PCM1: variants seen among roughly 807,000 people sequenced by gnomAD.
The protein encoded by PCM1 is pericentriolar material 1 protein.
Under a neutral mutation model 241.9 loss-of-function variants are expected in PCM1, and 157 were observed. That is an observed-to-expected ratio of 0.65 (90% CI 0.57 to 0.74). PCM1 has a LOEUF of 0.74. PCM1 is among the 30% of genes least tolerant of loss of function. The probability of loss-of-function intolerance (pLI) is 0.00; values close to 1 mark genes in which losing one functional copy is unlikely to be tolerated. For missense variants in PCM1, 3,478 were observed against 2,360.1 expected (o/e 1.47, Z -9.81); for synonymous variants, 1,085 against 784.9 (o/e 1.38, Z -6.39).
At chr8:18,011,541 C>T (rs1050346973) in intron 33 of PCM1, 126 bp from the exon 34 acceptor site, 1 of 1,087,816 alleles carries the variant, frequency 9.2e-7, no homozygotes, top group Admixed American at 3.1e-5. Context: ...GTTTTTAATA[C>T]ATTCTGTTTG....
In PCM1 at chr8:17,930,328, C is replaced by T. The variant is rs181828043; in HGVS notation, c.-22-5261C>T. ...CCGTGTTAGCCAGGATGGTCTCGAT[C>T]TCCTGACCTCGTGATCCGCCTGCCT... On this transcript the variant is annotated intron_variant, in intron 2 of 38. Coordinates refer to ENST00000325083, the MANE Select transcript of PCM1 (RefSeq NM_006197.4). Among the ~76,000 whole-genome samples the T allele has an allele frequency of 1.6e-3, 250 of 151,840 alleles. 4 individuals are homozygous for T. In the East Asian group the frequency reaches 0.045, roughly 27 times the overall value.
chr8:18,022,417 A>G (rs777280916), intron 36 of PCM1, among the ~76,000 whole-genome samples: 3 of 152,182 alleles, frequency 2.0e-5, no homozygotes, highest in Non-Finnish European at 2.9e-5. Context: ...CACTCAACCA[A>G]AGCAATTGCT....
At chr8:17,984,312 C>G (rs2081907369) in intron 24 of PCM1, among the ~76,000 whole-genome samples, 1 of 151,562 alleles carries the variant, frequency 6.6e-6, no homozygotes, top group African/African-American at 2.4e-5. Flanking sequence ...TTCTTTTTAC[C>G]TGGATTTTTC....
At chr8:18,018,854 A>G (rs1239243341) in intron 36 of PCM1, among the ~76,000 whole-genome samples, 2,432 of 28,184 alleles carry the variant, frequency 0.086, 89 homozygotes, top group African/African-American at 0.2. Context: ...GTGTGTGTGT[A>G]TATATATATA....
At chr8:18,009,452 A>G in intron 30 of PCM1, 95 bp from the exon 31 acceptor site, 1 of 753,278 alleles carries the variant, frequency 1.3e-6, no homozygotes, top group South Asian at 1.8e-5. Context: ...AGTAATCATA[A>G]ACATTAGTTT....
In PCM1 at chr8:17,966,340, C is replaced by T; in HGVS notation, c.3088C>T (p.Leu1030=). The part of the protein sequence containing the change: ...LMQDQQTLSC[L]LQTLLTGPYS... Reference sequence around the variant, plus strand: ...TTTCTTTCAATAGACTCTATCTTGTCTGCTACAAACTCTTCTCACGGGTCC... The same window carrying T: ...TTTCTTTCAATAGACTCTATCTTGTTTGCTACAAACTCTTCTCACGGGTCC... The change falls in exon 20 of 39, where the codon CTG becomes TTG. Residue 1030 remains leucine, a synonymous_variant. Coordinates refer to ENST00000325083, the MANE Select transcript of PCM1 (RefSeq NM_006197.4). 1 of 1,613,732 alleles carries T rather than the reference C, an allele frequency of 6.2e-7. No homozygotes were observed. Among genetic ancestry groups the T allele is most frequent in the Non-Finnish European group, 8.5e-7 (1 of 1,179,744 alleles).
At chr8:18,025,336 A>ATTT in intron 36 of PCM1, 25 bp from the exon 37 acceptor site, 2 of 961,178 alleles carry the variant, frequency 2.1e-6, no homozygotes, top group African/African-American at 1.7e-5. Flanking sequence ...TAGAGTATGT[A>ATTT]TTTTTTTTTT....
chr8:18,010,060 G>A (rs1365097492), intron 31 of PCM1, among the ~76,000 whole-genome samples: 1 of 152,174 alleles, frequency 6.6e-6, no homozygotes, highest in Non-Finnish European at 1.5e-5. Flanking sequence ...GCCAGTGCCA[G>A]GTGCCTGCCA....
At chr8:17,924,009 T>A (rs987712700) in intron 1 of PCM1, among the ~76,000 whole-genome samples, 1 of 149,408 alleles carries the variant, frequency 6.7e-6, no homozygotes, top group African/African-American at 2.6e-5. Flanking sequence ...TTTGTTTTGT[T>A]TTTTTGAGCG....
chr8:17,939,576 C>G lies in PCM1; in HGVS notation c.613-115C>G, dbSNP rs759571778. On this transcript the variant is annotated intron_variant, in intron 5 of 38. Transcript: ENST00000325083. ...TTAATTCACACAATAATCCAAGTGT[C>G]TTTGGTTATCTTCGAAATAAAAATT... The G allele has an allele frequency of 8.0e-4, 414 of 516,558 alleles. 1 individual carries two copies. Among genetic ancestry groups the G allele is most frequent in the Middle Eastern group, 2.9e-3 (7 of 2,450 alleles). 32.0% of individuals were successfully genotyped at this position (516,558 alleles called of 1,614,324 possible).
At chr8:17,962,664 G>A (rs535568810) in intron 16 of PCM1, among the ~76,000 whole-genome samples, 1 of 152,178 alleles carries the variant, frequency 6.6e-6, no homozygotes, top group South Asian at 2.1e-4. Context: ...ACTTTGGGAG[G>A]CTGAGGTGGG....
In PCM1 at chr8:17,937,168, C is replaced by T. The variant is rs773758552; in HGVS notation, c.131C>T (p.Ser44Leu). 3.2e-6 allele frequency: 5 copies of T among 1,576,348 alleles called. 1 individual carries two copies. In the Middle Eastern group the frequency reaches 5.0e-4, roughly 157 times the overall value. ...WGAQQKKANR[S>L]SEKNKKKFGV... ...GCCCAACAGAAGAAAGCAAATAGAT[C>T]ATCAGAAAAGAATAAGAAAAAGTTT... The change falls in exon 4 of 39, where the codon TCA becomes TTA. Residue 44 changes from serine to leucine, a missense_variant. Ser to Leu is a moderately radical substitution (Grantham distance 145). Transcript: ENST00000325083.
intron 23 of PCM1, among the ~76,000 whole-genome samples, chr8:17,977,367 T>C (rs553566663): frequency 6.6e-5 from 10 of 152,322 alleles, no homozygotes; most frequent in Middle Eastern, 3.4e-3. Context: ...TGATGAAGTC[T>C]TACATAATGG....
At chr8:17,947,394 T>TAA in intron 7 of PCM1, 31 bp downstream of exon 7, 1 of 1,445,156 alleles carries the variant, frequency 6.9e-7, no homozygotes, top group Non-Finnish European at 9.5e-7. Flanking sequence ...ATTCTTTTTG[T>TAA]AAGGAAGACT....
chr8:17,960,283 A>G (rs752624418), intron 14 of PCM1, 32 bp from the exon 15 acceptor site: 1 of 1,585,402 alleles, frequency 6.3e-7, no homozygotes. Context: ...ATTTTATTGG[A>G]GTCCATAAAT....
At position 17,938,997 on chromosome 8, in the gene PCM1, G is replaced by A. The variant is rs1456182792; in HGVS notation, c.600G>A (p.Met200Ile). 7.4e-6 allele frequency: 12 copies of A among 1,613,598 alleles called. No homozygotes were observed. Among genetic ancestry groups the A allele is most frequent in the Non-Finnish European group, 1.0e-5 (12 of 1,179,574 alleles). Residue 200 changes from methionine to isoleucine, a missense_variant, in exon 5 of 39, where the codon ATG becomes ATA. Physicochemically the swap from Met to Ile is conservative, Grantham distance 10. Transcript: ENST00000325083. ...SEEDGRGEPA[M>I]ESSQIVSRLV... Reference sequence around the variant, plus strand: ...AAGATGGGAGGGGAGAACCTGCAATGGAGAGCAGCCAGGTGATAACGTTTG... The same window carrying A: ...AAGATGGGAGGGGAGAACCTGCAATAGAGAGCAGCCAGGTGATAACGTTTG...
At chr8:17,974,884 C>T (rs1234861967) in intron 23 of PCM1, among the ~76,000 whole-genome samples, 1 of 151,884 alleles carries the variant, frequency 6.6e-6, no homozygotes, top group Non-Finnish European at 1.5e-5. Flanking sequence ...CACACACACA[C>T]ACACACACAA....
chr8:18,026,806 C>A (rs896910042), intron 38 of PCM1, among the ~76,000 whole-genome samples: 16 of 152,226 alleles, frequency 1.1e-4, no homozygotes, highest in African/African-American at 3.9e-4. Flanking sequence ...TTATCCCTTG[C>A]TGCTCCTCCT....
chr8:18,029,741 T>C lies in PCM1; in HGVS notation c.*2079T>C, dbSNP rs374133055. The C allele has an allele frequency of 8.2e-5, 16 of 195,190 alleles. No individual in the cohort carries two copies. Among genetic ancestry groups the C allele is most frequent in the East Asian group, 4.8e-4 (6 of 12,416 alleles). The allele number at this position is 195,190 out of a possible 1,614,324, so 12.1% of individuals were successfully genotyped here. On this transcript the variant is annotated 3_prime_UTR_variant, in exon 39 of 39. Coordinates refer to ENST00000325083, the MANE Select transcript of PCM1 (RefSeq NM_006197.4). ...TGAAGGGTTAGGCATTCAGTATTCC[T>C]ATTTGTCCTAATTTTGAAGTTAAAA...
Sources: gnomAD v4.1 joint callset for allele counts (sites outside exome capture counted in the v4.1 genomes callset) on GRCh38, gnomAD v4.1.1 for gene constraint, MANE v1.5 for transcripts, NCBI Gene and HGNC (gene_info 2026-07-23, HGNC 2026-07-21) for gene names.